The following LIPA variants were observed in gnomAD, a reference collection of about 807,000 sequenced individuals.
LIPA encodes the protein lipase A, lysosomal acid type.
In LIPA, 26 loss-of-function variants were observed where a neutral mutation model predicts 40.6. The ratio of observed to expected loss-of-function variants is 0.64; its 90% CI spans 0.47 to 0.89. LIPA has a LOEUF of 0.89. Among genes scored for constraint, LIPA ranks in the 40% least tolerant of loss-of-function variants. The pLI, the probability that LIPA is intolerant of heterozygous loss-of-function variation, is 0.00. For missense variants in LIPA, 455 were observed against 479.6 expected (o/e 0.95, Z 0.48); for synonymous variants, 188 against 168.4 (o/e 1.12, Z -0.90).
chr10:89,316,628 C>A (rs1394223785), intron 1 of LIPA, among the ~76,000 whole-genome samples: 1 of 152,222 alleles, frequency 6.6e-6, no homozygotes. Context: ...TCTATAGACT[C>A]CACCTCTGGG....
chr10:89,401,659 GT>G (rs1279668071), intron 2 of LIPA, among the ~76,000 whole-genome samples: 1 of 151,996 alleles, frequency 6.6e-6, no homozygotes, highest in African/African-American at 2.4e-5. Context: ...CAATTTTCTA[GT>G]TTTGAGCTAC....
rs375726595 is a variant in LIPA at position 89,399,449 on chromosome 10, T to C, written c.61+13342A>G. Among the ~76,000 whole-genome samples the C allele has an allele frequency of 3.3e-4, 50 of 152,360 alleles. 1 individual carries two copies. In the South Asian group the frequency reaches 0.01, roughly 32 times the overall value. ...ATCATATCTAATGAATCACTGCCAA[T>C]TGCCAAATCCAATGTTACAAAGCTT... On this transcript the variant is annotated intron_variant, in intron 2 of 8. Coordinates refer to the LIPA transcript ENST00000371837.
chr10:89,352,882 G>T (rs1370869824), intron 2 of LIPA, among the ~76,000 whole-genome samples: 2 of 150,210 alleles, frequency 1.3e-5, no homozygotes, highest in African/African-American at 4.9e-5. Flanking sequence ...CCTAAAAACA[G>T]TTCTGTTGAA....
intron 1 of LIPA, 113 bp from the exon 2 acceptor site, chr10:89,247,762 G>C (rs1387077233): frequency 1.4e-6 from 1 of 728,228 alleles, no homozygotes; most frequent in Admixed American, 2.1e-5. Context: ...CAAGTAAAAG[G>C]TGAAAGGAAA....
chr10:89,406,835 C>T (rs1261612195), intron 2 of LIPA, among the ~76,000 whole-genome samples: 3 of 152,162 alleles, frequency 2.0e-5, no homozygotes, highest in Admixed American at 2.0e-4. Context: ...CAATTCCAGA[C>T]AAATTTTGGT....
At chr10:89,362,814 G>T in intron 2 of LIPA, 1 of 444,248 alleles carries the variant, frequency 2.3e-6, no homozygotes, top group Non-Finnish European at 4.0e-6. Flanking sequence ...GGCTCTAGAG[G>T]TGGGCCCTGA....
chr10:89,308,564 C>A (rs141164000), intron 1 of LIPA: 3 of 152,124 alleles, frequency 2.0e-5, no homozygotes, highest in Non-Finnish European at 4.4e-5. Flanking sequence ...TCACGGTATG[C>A]TTGGAACGAT....
chr10:89,407,909 G>A (rs1447398083), intron 2 of LIPA, among the ~76,000 whole-genome samples: 4 of 152,136 alleles, frequency 2.6e-5, no homozygotes, highest in Non-Finnish European at 4.4e-5. Context: ...TAGTGTTTCT[G>A]CTGCTGCATT....
At chr10:89,263,505 T>C (rs1266249625) in intron 1 of LIPA, among the ~76,000 whole-genome samples, 1 of 152,206 alleles carries the variant, frequency 6.6e-6, no homozygotes, top group East Asian at 1.9e-4. Flanking sequence ...AAAACTCTCC[T>C]GTCCTCTAAC....
intron 3 of LIPA, among the ~76,000 whole-genome samples, chr10:89,236,838 G>T (rs373379272): frequency 6.6e-6 from 1 of 152,176 alleles, no homozygotes; most frequent in Non-Finnish European, 1.5e-5. Context: ...AGCAAGAATA[G>T]ATTCTAGACT....
intron 1 of LIPA, among the ~76,000 whole-genome samples, chr10:89,326,059 C>T (rs779941146): frequency 6.6e-6 from 1 of 152,088 alleles, no homozygotes; most frequent in Non-Finnish European, 1.5e-5. Context: ...AATAGAACTA[C>T]CATATGATCC....
intron 1 of LIPA, among the ~76,000 whole-genome samples, chr10:89,332,247 A>G (rs950780943): frequency 1.3e-5 from 2 of 150,496 alleles, no homozygotes; most frequent in Non-Finnish European, 3.0e-5. Context: ...GCACCTGAGA[A>G]AAAAAACAGT....
At chr10:89,363,513 C>T (rs1447818207) in intron 2 of LIPA, 3 of 152,252 alleles carry the variant, frequency 2.0e-5, no homozygotes, top group Non-Finnish European at 4.4e-5. Flanking sequence ...CGCGGTGGCT[C>T]TCGCCTGTAA....
chr10:89,411,409 C>T (rs1171919944), intron 2 of LIPA, among the ~76,000 whole-genome samples: 1 of 152,148 alleles, frequency 6.6e-6, no homozygotes, highest in Non-Finnish European at 1.5e-5. Flanking sequence ...CTCAGCCAAA[C>T]CTTAAAATAC....
intron 2 of LIPA, among the ~76,000 whole-genome samples, chr10:89,401,160 A>T (rs1215749616): frequency 6.7e-6 from 1 of 149,310 alleles, no homozygotes; most frequent in Non-Finnish European, 1.5e-5. Flanking sequence ...TCTGTTACCT[A>T]GGCCAGAGTG....
At chr10:89,312,183 G>C (rs539064256) in intron 1 of LIPA, among the ~76,000 whole-genome samples, 1 of 152,316 alleles carries the variant, frequency 6.6e-6, no homozygotes, top group African/African-American at 2.4e-5. Context: ...GCTCACACCT[G>C]TAATCGCCAC....
At chr10:89,402,822 A>G in intron 2 of LIPA, 6 of 1,614,198 alleles carry the variant, frequency 3.7e-6, no homozygotes, top group Non-Finnish European at 5.1e-6. Context: ...TGGGTATGCG[A>G]TCTCTGCCTA....
At chr10:89,331,804 A>G (rs1350601872) in intron 1 of LIPA, among the ~76,000 whole-genome samples, 4 of 150,014 alleles carry the variant, frequency 2.7e-5, no homozygotes, top group African/African-American at 9.9e-5. Flanking sequence ...GGTTGCAGTA[A>G]GCTGAGATCG....
intron 8 of LIPA, among the ~76,000 whole-genome samples, chr10:89,219,384 G>C (rs1172194157): frequency 6.6e-6 from 1 of 152,170 alleles, no homozygotes; most frequent in Non-Finnish European, 1.5e-5. Context: ...GCTCTGGGCA[G>C]GGCCAGTGAG....
Sources: allele counts gnomAD v4.1 joint callset (sites outside exome capture counted in the v4.1 genomes callset), GRCh38; gene constraint gnomAD v4.1.1; transcripts MANE v1.5; gene names NCBI Gene and HGNC (gene_info 2026-07-23, HGNC 2026-07-21).